The following LMNTD1 variants were observed in gnomAD, a reference collection of about 807,000 sequenced individuals.
LMNTD1 encodes lamin tail domain containing 1.
LMNTD1 carries 35 observed loss-of-function variants against 50.9 expected under a neutral mutation model. That is an observed-to-expected ratio of 0.69 (90% CI 0.53 to 0.91). The LOEUF is 0.91. Among genes scored for constraint, LMNTD1 ranks in the 40% least tolerant of loss-of-function variants. The pLI is 0.00. For synonymous variants in LMNTD1, 153 were observed against 161.9 expected (o/e 0.94, Z 0.42); for missense variants, 470 against 475.5 (o/e 0.99, Z 0.11).
At chr12:25,544,729 T>C (rs1472929500) in intron 4 of LMNTD1, among the ~76,000 whole-genome samples, 2 of 151,734 alleles carry the variant, frequency 1.3e-5, no homozygotes, top group Non-Finnish European at 3.0e-5. Flanking sequence ...GTTTTTGCAT[T>C]GTGGTTACAT....
chr12:25,491,796 C>A (rs1455352230), intron 9 of LMNTD1, among the ~76,000 whole-genome samples: 1 of 152,194 alleles, frequency 6.6e-6, no homozygotes, highest in Non-Finnish European at 1.5e-5. Flanking sequence ...AATCAACATT[C>A]CTCAGAGTTA....
chr12:25,502,883 G>A (rs907492102), intron 9 of LMNTD1: 5 of 152,242 alleles, frequency 3.3e-5, no homozygotes, highest in African/African-American at 1.2e-4. Context: ...TGATAGGCTT[G>A]TGCATACATG....
At chr12:25,581,441 C>T (rs1438258936) in intron 1 of LMNTD1, among the ~76,000 whole-genome samples, 1 of 152,088 alleles carries the variant, frequency 6.6e-6, no homozygotes, top group East Asian at 1.9e-4. Context: ...CTCTTTGAAC[C>T]TATTAGGATT....
chr12:25,598,165 C>T (rs974375387), intron 1 of LMNTD1, among the ~76,000 whole-genome samples: 8 of 152,096 alleles, frequency 5.3e-5, no homozygotes, highest in Non-Finnish European at 8.8e-5. Flanking sequence ...AACATCTTTC[C>T]TTTATAAATT....
chr12:25,599,305 C>A (rs1010810421), intron 1 of LMNTD1, among the ~76,000 whole-genome samples: 2 of 151,884 alleles, frequency 1.3e-5, no homozygotes, highest in African/African-American at 4.8e-5. Context: ...AAGGGACATA[C>A]CTAAACGTAA....
intron 1 of LMNTD1, among the ~76,000 whole-genome samples, chr12:25,627,806 TTTC>T (rs1236795324): frequency 6.6e-6 from 1 of 152,130 alleles, no homozygotes; most frequent in Non-Finnish European, 1.5e-5. Flanking sequence ...AGCCAATCCT[TTTC>T]TTTAAAAGGC....
chr12:25,598,531 A>G (rs1195160545), intron 1 of LMNTD1, among the ~76,000 whole-genome samples: 1 of 152,000 alleles, frequency 6.6e-6, no homozygotes, highest in Non-Finnish European at 1.5e-5. Flanking sequence ...ATAAAATTGA[A>G]ATGAAAACAA....
chr12:25,535,663 G>C (rs1438656236), intron 4 of LMNTD1, among the ~76,000 whole-genome samples: 1 of 151,918 alleles, frequency 6.6e-6, no homozygotes, highest in Non-Finnish European at 1.5e-5. Flanking sequence ...AAATATTGAA[G>C]AAATGAGAAA....
chr12:25,608,638 T>G (rs986372849), intron 1 of LMNTD1, among the ~76,000 whole-genome samples: 3 of 152,246 alleles, frequency 2.0e-5, no homozygotes, highest in South Asian at 2.1e-4. Flanking sequence ...AATTATTTTC[T>G]TTAAGAATGT....
intron 9 of LMNTD1, among the ~76,000 whole-genome samples, chr12:25,486,736 G>A (rs1213406402): frequency 6.7e-6 from 1 of 149,666 alleles, no homozygotes; most frequent in African/African-American, 2.5e-5. Flanking sequence ...TTTTGTCAAA[G>A]GCTTTTTCTG....
chr12:25,509,377 G>T (rs1390164504), intron 8 of LMNTD1, among the ~76,000 whole-genome samples: 1 of 152,090 alleles, frequency 6.6e-6, no homozygotes, highest in Admixed American at 6.6e-5. Context: ...CAAAGTGCTG[G>T]GATTACTGGC....
chr12:25,591,811 C>CAGAGAGAGAGAGAGAGAGAGAGAG lies in LMNTD1; in HGVS notation c.59-45281_59-45258dup, dbSNP rs58392351. Among the ~76,000 whole-genome samples the CAGAGAGAGAGAGAGAGAGAGAGAG allele has an allele frequency of 4.4e-5, 4 of 90,084 alleles. No homozygotes were observed. The Admixed American group carries it at 4.6e-4, about 10-fold the overall frequency. The allele number at this position is 90,084 out of a possible 152,430, so 59.1% of individuals were successfully genotyped here. A position where few individuals can be genotyped will look rare whatever the true frequency, so the allele number is the denominator to read the frequency against. On this transcript the variant is annotated intron_variant, in intron 1 of 7. Transcript: ENST00000445693. ...ACCTCCAGCTCCTAATAGCTCAGAA[C>CAGAGAGAGAGAGAGAGAGAGAGAG]AGAGAGAGAGAGAGAGAGAGAGAGA...
At chr12:25,510,972 T>G (rs1326648410) in intron 8 of LMNTD1, among the ~76,000 whole-genome samples, 1 of 152,070 alleles carries the variant, frequency 6.6e-6, no homozygotes, top group Admixed American at 6.6e-5. Context: ...AGAACACATA[T>G]TAGGAGCAAA....
intron 1 of LMNTD1, among the ~76,000 whole-genome samples, chr12:25,598,726 T>C (rs530424751): frequency 2.6e-5 from 4 of 152,038 alleles, no homozygotes; most frequent in South Asian, 4.2e-4. Flanking sequence ...TGAGCAACTA[T>C]ATGCCAATAA....
chr12:25,546,348 C>T (rs1231070826), intron 4 of LMNTD1, 26 bp downstream of exon 4: 3 of 1,475,426 alleles, frequency 2.0e-6, no homozygotes, highest in East Asian at 4.7e-5. Flanking sequence ...ACAGAAGATA[C>T]TAAGTAGTTC....
chr12:25,522,385 C>T (rs1171014821), intron 6 of LMNTD1, among the ~76,000 whole-genome samples: 1 of 152,094 alleles, frequency 6.6e-6, no homozygotes, highest in East Asian at 1.9e-4. Flanking sequence ...TTTTCGATGA[C>T]AATGATGATA....
chr12:25,572,637 C>T (rs77748543), intron 1 of LMNTD1, among the ~76,000 whole-genome samples: 9,187 of 152,060 alleles, frequency 0.06, 366 homozygotes, highest in South Asian at 0.13. Flanking sequence ...ACAAAAATAC[C>T]ATGTGACATG....
chr12:25,635,865 CA>C (rs1197997134), intron 1 of LMNTD1, among the ~76,000 whole-genome samples: 1 of 23,434 alleles, frequency 4.3e-5, no homozygotes, highest in Non-Finnish European at 1.4e-4. Context: ...GCAAAGCAAG[CA>C]AAAACATAAA....
intron 9 of LMNTD1, among the ~76,000 whole-genome samples, chr12:25,491,910 G>A (rs1938895133): frequency 6.6e-6 from 1 of 152,172 alleles, no homozygotes; most frequent in African/African-American, 2.4e-5. Context: ...GAGTCCTTGG[G>A]AACATTTAGG....
Sources: allele counts gnomAD v4.1 joint callset (sites outside exome capture counted in the v4.1 genomes callset), GRCh38; gene constraint gnomAD v4.1.1; transcripts MANE v1.5; gene names NCBI Gene and HGNC (gene_info 2026-07-23, HGNC 2026-07-21).